The following PON1 variants were observed in gnomAD, a reference collection of about 807,000 sequenced individuals.
PON1 encodes paraoxonase 1.
PON1 carries 37 observed loss-of-function variants against 39.2 expected under a neutral mutation model. The observed-to-expected ratio is 0.94, with a 90% CI of 0.73 to 1.24. The LOEUF (loss-of-function observed/expected upper bound fraction) is 1.24. Ranked by LOEUF, PON1 falls within the 50% of genes most tolerant of loss-of-function variation. The pLI is 0.00. For synonymous variants in PON1, 148 were observed against 152.2 expected, an observed-to-expected ratio of 0.97 and a Z score of 0.21; for missense variants, 397 against 413.5, an observed-to-expected ratio of 0.96 and a Z score of 0.35.
chr7:95,298,924 C>G lies in PON1; in HGVS notation c.*20G>C. On this transcript the variant is annotated 3_prime_UTR_variant, in exon 9 of 9. Coordinates refer to ENST00000222381, the MANE Select transcript of PON1 (RefSeq NM_000446.7). ...GAAATAATGGCCTCAGTTTCTATGG[C>G]ATGGGTGCAAATCGGTCTGTTAGAG... is the stretch of plus-strand genomic sequence containing the variant. 1 of 1,614,080 alleles carries G rather than the reference C, an allele frequency of 6.2e-7. No individual in the cohort carries two copies. The highest frequency in any genetic ancestry group is 8.5e-7 in the Non-Finnish European group (1 of 1,179,974).
chr7:95,303,498 C>T (rs572878260), intron 7 of PON1, among the ~76,000 whole-genome samples: 7 of 152,290 alleles, frequency 4.6e-5, no homozygotes, highest in African/African-American at 1.4e-4. Flanking sequence ...GTGAATTCCA[C>T]GGCAGATGAA....
intron 8 of PON1, 146 bp downstream of exon 8, chr7:95,302,059 T>C: frequency 5.0e-6 from 4 of 795,266 alleles, no homozygotes; most frequent in Non-Finnish European, 5.5e-6. Flanking sequence ...ATTGCGCCAC[T>C]GCACTCCAGC....
At chr7:95,301,026 T>A (rs1195621874) in intron 8 of PON1, among the ~76,000 whole-genome samples, 1 of 152,088 alleles carries the variant, frequency 6.6e-6, no homozygotes, top group Non-Finnish European at 1.5e-5. Context: ...AACACTTTTT[T>A]TTTTCCTGTT....
chr7:95,302,117 AAAAACC>A (rs1807445015), intron 8 of PON1, 82 bp downstream of exon 8: 1 of 778,330 alleles, frequency 1.3e-6, no homozygotes, highest in Non-Finnish European at 1.8e-6. Flanking sequence ...AAAAAAAAAA[AAAAACC>A]AAGAATTGAG....
chr7:95,310,589 T>G (rs1171612885), intron 5 of PON1, among the ~76,000 whole-genome samples: 1 of 152,158 alleles, frequency 6.6e-6, no homozygotes, highest in Non-Finnish European at 1.5e-5. Context: ...CAATCTCATT[T>G]TCCTCATCCT....
In PON1 at chr7:95,309,076, G is replaced by A. The variant is rs187540449; in HGVS notation, c.498-865C>T. On this transcript the variant is annotated intron_variant, in intron 5 of 8. Coordinates refer to ENST00000222381, the MANE Select transcript of PON1 (RefSeq NM_000446.7). ...TCATGGCCAGCGCATCAGCTCTGAC[G>A]CAGCTCTGAGCTCTCAGGCAAGTTA... is the stretch of plus-strand genomic sequence containing the variant. Among the ~76,000 whole-genome samples, 604 of 152,226 alleles carry A rather than the reference G, an allele frequency of 4.0e-3. 1 individual carries two copies. The highest frequency in any genetic ancestry group is 0.02 in the Middle Eastern group (6 of 294).
intron 1 of PON1, among the ~76,000 whole-genome samples, chr7:95,321,790 A>G (rs988164381): frequency 8.5e-5 from 13 of 152,140 alleles, no homozygotes; most frequent in East Asian, 1.9e-4. Flanking sequence ...ACCCCTACTC[A>G]TGATGCTTTG....
chr7:95,323,514 A>C (rs969448789), intron 1 of PON1, among the ~76,000 whole-genome samples: 2 of 152,132 alleles, frequency 1.3e-5, no homozygotes, highest in Non-Finnish European at 2.9e-5. Flanking sequence ...TTTTATATTT[A>C]ATTTTTATTA....
rs2074351 is a variant in PON1 at position 95,318,487 on chromosome 7, G to A, written c.75-94C>T. On this transcript the variant is annotated intron_variant, in intron 1 of 8. Coordinates refer to ENST00000222381, the MANE Select transcript of PON1 (RefSeq NM_000446.7). The stretch of plus-strand genomic sequence containing the variant: ...CAGTCCACAAAAGTTCTCCTTCACT[G>A]TACTTTGCCTGAGTTTCAACTCCAG... 0.29 allele frequency: 330,149 copies of A among 1,156,122 alleles called. 49,968 individuals are homozygous for A. The highest frequency in any genetic ancestry group is 0.54 in the East Asian group (22,832 of 41,908). The allele number at this position is 1,156,122 out of a possible 1,614,324, so 71.6% of individuals were successfully genotyped here.
Position 95,307,995 on chromosome 7 carries a change from CAG to C in PON1, c.698+14_698+15del. 1 of 1,604,378 alleles carries C rather than the reference CAG, an allele frequency of 6.2e-7. No homozygotes were observed. The highest frequency in any genetic ancestry group is 8.5e-7 in the Non-Finnish European group (1 of 1,171,220). ...GAATCTGAGTAAATCCACTACATTT[CAG>C]AGAGTTCACATACTTGCCATCGGGT... On this transcript the variant is annotated intron_variant, in intron 6 of 8. Transcript: ENST00000222381.
At chr7:95,300,778 ATCTAACAT>A (rs1330930990) in intron 8 of PON1, among the ~76,000 whole-genome samples, 2 of 152,300 alleles carry the variant, frequency 1.3e-5, no homozygotes, top group Non-Finnish European at 2.9e-5. Context: ...ACAAATTAGA[ATCTAACAT>A]TCTGCTCAGT....
At chr7:95,319,420 T>C (rs1232888720) in intron 1 of PON1, among the ~76,000 whole-genome samples, 2 of 152,194 alleles carry the variant, frequency 1.3e-5, no homozygotes, top group Non-Finnish European at 2.9e-5. Context: ...CCACTGGCTA[T>C]CATTTTCGCT....
At chr7:95,311,861 T>C (rs965933806) in intron 4 of PON1, among the ~76,000 whole-genome samples, 1 of 152,174 alleles carries the variant, frequency 6.6e-6, no homozygotes, top group Non-Finnish European at 1.5e-5. Context: ...AAGAATCCTT[T>C]AAGTTTTCCA....
rs3917474 is a variant in PON1 at position 95,323,129 on chromosome 7, A to G, written c.74+1273T>C. ...GGGTAGGGCTTGAGATTCTGCCTGT[A>G]CAGGGAGCCCCTAGGTGATGCTCAG... is the stretch of plus-strand genomic sequence containing the variant. On this transcript the variant is annotated intron_variant, in intron 1 of 8. Transcript: ENST00000222381. 9.9e-3 allele frequency among the ~76,000 whole-genome samples: 1,508 copies of G among 152,244 alleles called. 25 individuals are homozygous for G. The highest frequency in any genetic ancestry group is 0.034 in the African/African-American group (1,419 of 41,528).
chr7:95,318,158 G>T (rs1807813142), intron 2 of PON1, among the ~76,000 whole-genome samples, 165 bp downstream of exon 2: 1 of 148,260 alleles, frequency 6.7e-6, no homozygotes, highest in African/African-American at 2.5e-5. Context: ...GCAGTATGTT[G>T]GTGAAGTCAA....
intron 7 of PON1, among the ~76,000 whole-genome samples, chr7:95,305,488 G>A (rs1295797866): frequency 6.6e-6 from 1 of 152,186 alleles, no homozygotes; most frequent in Non-Finnish European, 1.5e-5. Context: ...AAAACAGCCT[G>A]TCCTTGTGGA....
intron 1 of PON1, among the ~76,000 whole-genome samples, chr7:95,321,390 A>G (rs1410965498): frequency 6.6e-6 from 1 of 152,206 alleles, no homozygotes; most frequent in Non-Finnish European, 1.5e-5. Context: ...AGAAATCCGT[A>G]TCGATTCTCA....
At chr7:95,301,625 A>C (rs1807423008) in intron 8 of PON1, among the ~76,000 whole-genome samples, 1 of 151,956 alleles carries the variant, frequency 6.6e-6, no homozygotes. Context: ...ATTACCCTAC[A>C]CTGTGTCCAC....
intron 6 of PON1, among the ~76,000 whole-genome samples, chr7:95,306,629 G>A (rs1807546870): frequency 6.6e-6 from 1 of 152,160 alleles, no homozygotes; most frequent in African/African-American, 2.4e-5. Context: ...CTAACTTTTA[G>A]TATCTGGGAG....
Sources: gnomAD v4.1 joint callset for allele counts (sites outside exome capture counted in the v4.1 genomes callset) on GRCh38, gnomAD v4.1.1 for gene constraint, MANE v1.5 for transcripts, NCBI Gene and HGNC (gene_info 2026-07-23, HGNC 2026-07-21) for gene names.